Variants in CTNNA3 observed in about 807,000 individuals in gnomAD.
CTNNA3 encodes the protein catenin alpha 3.
CTNNA3 carries 76 observed loss-of-function variants against 95.7 expected under a neutral mutation model. The ratio of observed to expected loss-of-function variants is 0.79; its 90% CI spans 0.66 to 0.96. CTNNA3 has a LOEUF of 0.96. Among genes scored for constraint, CTNNA3 ranks in the 40% least tolerant of loss-of-function variants. The pLI is 0.00. For synonymous variants in CTNNA3, 431 were observed against 374.4 expected, an observed-to-expected ratio of 1.15 and a Z score of -1.74; for missense variants, 1,191 against 1,089.8, an observed-to-expected ratio of 1.09 and a Z score of -1.31.
At chr10:66,698,416 A>T (rs1847837194) in intron 9 of CTNNA3, among the ~76,000 whole-genome samples, 1 of 152,104 alleles carries the variant, frequency 6.6e-6, no homozygotes, top group Non-Finnish European at 1.5e-5. Flanking sequence ...TATTCCTTCC[A>T]TCTATCACTT....
chr10:67,723,814 A>G (rs1287901205), intron 1 of CTNNA3, among the ~76,000 whole-genome samples: 1 of 152,066 alleles, frequency 6.6e-6, no homozygotes, highest in Admixed American at 6.6e-5. Context: ...TCATGCAGTC[A>G]GTGTCATACC....
At chr10:66,890,850 A>T (rs568426035) in intron 7 of CTNNA3, among the ~76,000 whole-genome samples, 216 of 152,252 alleles carry the variant, frequency 1.4e-3, no homozygotes, top group African/African-American at 5.1e-3. Flanking sequence ...CCACTGAAGG[A>T]CTGAAGTAAA....
At chr10:66,113,655 T>C (rs530289309) in intron 13 of CTNNA3, among the ~76,000 whole-genome samples, 3 of 152,304 alleles carry the variant, frequency 2.0e-5, no homozygotes, top group African/African-American at 7.2e-5. Context: ...TTATTAACTT[T>C]AGAATTTTAT....
chr10:66,318,134 C>T (rs2092126915), intron 12 of CTNNA3, among the ~76,000 whole-genome samples: 1 of 151,862 alleles, frequency 6.6e-6, no homozygotes, highest in African/African-American at 2.4e-5. Context: ...ATGAAGCTTG[C>T]TTTGCAGCTG....
intron 13 of CTNNA3, among the ~76,000 whole-genome samples, chr10:66,137,488 G>A (rs976432923): frequency 1.3e-5 from 2 of 151,880 alleles, no homozygotes; most frequent in Non-Finnish European, 2.9e-5. Context: ...CAATGGCAGG[G>A]GGCAGGGACA....
intron 11 of CTNNA3, among the ~76,000 whole-genome samples, chr10:66,515,005 T>C (rs977734509): frequency 6.6e-6 from 1 of 152,110 alleles, no homozygotes; most frequent in Non-Finnish European, 1.5e-5. Context: ...AGAGATACCC[T>C]TATTTCAAGA....
At chr10:66,247,814 AAC>A (rs1171082547) in intron 13 of CTNNA3, among the ~76,000 whole-genome samples, 1 of 152,234 alleles carries the variant, frequency 6.6e-6, no homozygotes, top group African/African-American at 2.4e-5. Context: ...GAATTTCATC[AAC>A]ACCAGACCCA....
At chr10:67,162,200 C>T (rs960200768) in intron 7 of CTNNA3, among the ~76,000 whole-genome samples, 2 of 151,988 alleles carry the variant, frequency 1.3e-5, no homozygotes, top group Admixed American at 1.3e-4. Context: ...TTTTATAGAA[C>T]ACCTTACCTA....
At chr10:67,562,955 G>C (rs944942630) in intron 3 of CTNNA3, among the ~76,000 whole-genome samples, 3 of 152,030 alleles carry the variant, frequency 2.0e-5, no homozygotes, top group South Asian at 4.1e-4. Flanking sequence ...TCTCTTCAAG[G>C]AGAACTACAA....
At chr10:67,365,910 T>C (rs1405391661) in intron 5 of CTNNA3, among the ~76,000 whole-genome samples, 7 of 152,326 alleles carry the variant, frequency 4.6e-5, no homozygotes, top group South Asian at 2.1e-4. Flanking sequence ...CATGCTACTA[T>C]AAAGATGCAT....
At chr10:66,195,863 CAT>C (rs145438222) in intron 13 of CTNNA3, among the ~76,000 whole-genome samples, 5,647 of 152,228 alleles carry the variant, frequency 0.037, 366 homozygotes, top group African/African-American at 0.13. Flanking sequence ...TGGGTGAACA[CAT>C]GTTAGCCATT....
At chr10:66,045,102 C>G (rs2079801755) in intron 15 of CTNNA3, among the ~76,000 whole-genome samples, 1 of 152,132 alleles carries the variant, frequency 6.6e-6, no homozygotes, top group Non-Finnish European at 1.5e-5. Flanking sequence ...AGGGAAGATT[C>G]AATGACAGAG....
intron 5 of CTNNA3, among the ~76,000 whole-genome samples, chr10:67,470,515 TA>T (rs1440034539): frequency 6.6e-6 from 1 of 152,186 alleles, no homozygotes. Flanking sequence ...TTACTGAGTT[TA>T]TTTTTTTAAA....
chr10:66,659,492 A>T, intron 9 of CTNNA3, among the ~76,000 whole-genome samples: 1 of 152,136 alleles, frequency 6.6e-6, no homozygotes, highest in East Asian at 1.9e-4. Context: ...ACTTAGAAAG[A>T]CCTATTGTGT....
chr10:66,551,191 A>G (rs1237949829), intron 10 of CTNNA3, among the ~76,000 whole-genome samples: 1 of 152,036 alleles, frequency 6.6e-6, no homozygotes, highest in Non-Finnish European at 1.5e-5. Context: ...AATTTTTCTC[A>G]ATTTTTATTT....
chr10:67,208,220 C>CA (rs1285271155), intron 6 of CTNNA3, among the ~76,000 whole-genome samples: 4 of 150,052 alleles, frequency 2.7e-5, no homozygotes, highest in Non-Finnish European at 5.9e-5. Context: ...AAAACACACA[C>CA]ACAAAAAAAA....
intron 14 of CTNNA3, among the ~76,000 whole-genome samples, chr10:66,096,070 G>A (rs1285655114): frequency 4.6e-5 from 7 of 152,024 alleles, no homozygotes; most frequent in East Asian, 3.9e-4. Flanking sequence ...AATGACTATC[G>A]TTGAAATTAT....
At chr10:66,451,793 A>C (rs150490063) in intron 11 of CTNNA3, among the ~76,000 whole-genome samples, 21 of 152,298 alleles carry the variant, frequency 1.4e-4, no homozygotes, top group African/African-American at 4.8e-4. Flanking sequence ...CCAATCCAAA[A>C]ACTTTCAATC....
intron 13 of CTNNA3, among the ~76,000 whole-genome samples, chr10:66,130,688 CA>C (rs1010444297): frequency 6.6e-6 from 1 of 151,366 alleles, no homozygotes; most frequent in African/African-American, 2.4e-5. Flanking sequence ...ACTAAAAATA[CA>C]AAAAACGAGC....
Sources: allele counts gnomAD v4.1 joint callset (sites outside exome capture counted in the v4.1 genomes callset), GRCh38; gene constraint gnomAD v4.1.1; transcripts MANE v1.5; gene names NCBI Gene and HGNC (gene_info 2026-07-23, HGNC 2026-07-21).